CPM: variants seen among roughly 807,000 people sequenced by gnomAD.
CPM encodes the protein renal carboxypeptidase.
Under a neutral mutation model 46.4 loss-of-function variants are expected in CPM, and 35 were observed. The observed-to-expected ratio is 0.75, with a 90% CI of 0.58 to 1.00. The LOEUF (loss-of-function observed/expected upper bound fraction) is 1.00. Ranked by LOEUF, CPM falls within the 50% of genes least tolerant of loss-of-function variation. CPM has a pLI of 0.00. For synonymous variants in CPM, 195 were observed against 195.3 expected (o/e 1.00, Z 0.01); for missense variants, 422 against 530.4 (o/e 0.80, Z 2.01).
chr12:68,945,461 G>A (rs2136332539), intron 1 of CPM, among the ~76,000 whole-genome samples: 1 of 152,304 alleles, frequency 6.6e-6, no homozygotes, highest in East Asian at 1.9e-4. Context: ...TGTGAGCTGG[G>A]GAGATGGGAA....
chr12:68,916,347 A>G (rs1887802890), intron 2 of CPM, among the ~76,000 whole-genome samples: 1 of 152,202 alleles, frequency 6.6e-6, no homozygotes, highest in Non-Finnish European at 1.5e-5. Context: ...AAGAAACTAC[A>G]TATAATCACC....
At chr12:68,933,916 C>T (rs548587688), upstream of CPM, among the ~76,000 whole-genome samples, 17 of 152,318 alleles carry the variant, frequency 1.1e-4, no homozygotes, top group East Asian at 3.3e-3. Context: ...TCCACCTGCA[C>T]CTGAGTCTTA....
intron 2 of CPM, among the ~76,000 whole-genome samples, chr12:68,901,894 G>C (rs1887129273): frequency 6.6e-6 from 1 of 152,132 alleles, no homozygotes; most frequent in African/African-American, 2.4e-5. Context: ...GAAGGGGAGA[G>C]GGGAGGGGAT....
intron 3 of CPM, among the ~76,000 whole-genome samples, chr12:68,881,673 T>C (rs2701086): frequency 0.15 from 22,371 of 152,084 alleles, 3,271 homozygotes; most frequent in African/African-American, 0.37. Flanking sequence ...TATAATGTTT[T>C]GTTTATACTT....
intron 7 of CPM, among the ~76,000 whole-genome samples, chr12:68,863,968 T>C (rs1287367646): frequency 6.6e-6 from 1 of 152,226 alleles, no homozygotes; most frequent in African/African-American, 2.4e-5. Context: ...GAGAGAACCT[T>C]TCTATTAAGT....
intron 3 of CPM, among the ~76,000 whole-genome samples, chr12:68,872,948 A>T (rs4631967): frequency 0.11 from 17,297 of 152,164 alleles, 2,056 homozygotes; most frequent in African/African-American, 0.29. Context: ...CTGTGAGAGA[A>T]CTTGCTTTAT....
downstream of CPM, chr12:68,848,254 C>T (rs1296468435): frequency 6.6e-6 from 1 of 152,270 alleles, no homozygotes; most frequent in African/African-American, 2.4e-5. Flanking sequence ...GTGATCTTGG[C>T]TCACTGCAGC....
At chr12:68,943,826 T>C (rs1888801228) in intron 1 of CPM, among the ~76,000 whole-genome samples, 2 of 152,188 alleles carry the variant, frequency 1.3e-5, no homozygotes, top group African/African-American at 2.4e-5. Context: ...AATTTATTTC[T>C]TTTCTAGCTT....
chr12:68,949,952 CT>C (rs1005514277), intron 1 of CPM, among the ~76,000 whole-genome samples: 4 of 152,156 alleles, frequency 2.6e-5, no homozygotes, highest in Admixed American at 2.0e-4. Flanking sequence ...CAAATCAAAG[CT>C]TCAGCTAGGT....
intron 2 of CPM, among the ~76,000 whole-genome samples, chr12:68,896,206 C>T (rs1323320717): frequency 6.6e-6 from 1 of 152,186 alleles, no homozygotes; most frequent in Non-Finnish European, 1.5e-5. Context: ...CGGCCAACCT[C>T]CCCTTGCCTT....
chr12:68,943,689 C>T (rs975989619), intron 1 of CPM, among the ~76,000 whole-genome samples: 31 of 152,230 alleles, frequency 2.0e-4, no homozygotes, highest in African/African-American at 7.5e-4. Flanking sequence ...TCTAATAAGG[C>T]CGATTTCCAA....
intron 3 of CPM, among the ~76,000 whole-genome samples, chr12:68,876,845 T>C (rs937286): frequency 0.81 from 123,266 of 151,926 alleles, 50,259 homozygotes; most frequent in African/African-American, 0.9. Context: ...AGGAACAATC[T>C]ACAACCCAGG....
chr12:68,870,487 G>T, intron 4 of CPM, 88 bp from the exon 5 acceptor site: 1 of 1,213,838 alleles, frequency 8.2e-7, no homozygotes, highest in Non-Finnish European at 1.2e-6. Context: ...TTAGGCTCCA[G>T]GTGTCTTTCC....
intron 2 of CPM, among the ~76,000 whole-genome samples, chr12:68,895,995 C>T (rs4913472): frequency 0.53 from 81,011 of 151,814 alleles, 21,843 homozygotes; most frequent in East Asian, 0.61. Context: ...ATTGAGATGG[C>T]ACCTGATCCC....
chr12:68,939,017 A>G (rs1262054690), intron 1 of CPM, among the ~76,000 whole-genome samples: 1 of 147,806 alleles, frequency 6.8e-6, no homozygotes, highest in East Asian at 1.9e-4. Context: ...AAGTATATAT[A>G]TAGATATTAT....
chr12:68,901,516 T>C (rs569216492), intron 2 of CPM, among the ~76,000 whole-genome samples: 1 of 152,338 alleles, frequency 6.6e-6, no homozygotes, highest in South Asian at 2.1e-4. Flanking sequence ...TTAGCTTTAT[T>C]AAACCTCTCT....
downstream of CPM, chr12:68,847,452 C>CTTTTTTTTTTTTTTTTT (rs772905678): frequency 5.4e-4 from 48 of 88,694 alleles, 9 homozygotes; most frequent in African/African-American, 2.6e-3. Flanking sequence ...TATCTCCTTT[C>CTTTTTTTTTTTTTTTTT]TTTTTTTTTT....
chr12:68,873,667 CAAAAA>C (rs34150942), intron 3 of CPM, among the ~76,000 whole-genome samples: 4 of 69,258 alleles, frequency 5.8e-5, no homozygotes, highest in Admixed American at 3.0e-4. Context: ...GACCCTGTCT[CAAAAA>C]AAAAAAAAAA....
At chr12:68,886,548 T>G (rs534168712) in intron 2 of CPM, among the ~76,000 whole-genome samples, 1 of 152,114 alleles carries the variant, frequency 6.6e-6, no homozygotes, top group South Asian at 2.1e-4. Flanking sequence ...AGGAGAATGG[T>G]GTGAACCCCG....
Sources: gnomAD v4.1 joint callset for allele counts (sites outside exome capture counted in the v4.1 genomes callset) on GRCh38, gnomAD v4.1.1 for gene constraint, MANE v1.5 for transcripts, NCBI Gene and HGNC (gene_info 2026-07-23, HGNC 2026-07-21) for gene names.